Variants in KLC2 observed in about 807,000 individuals in gnomAD.
KLC2 encodes the protein KLC 2.
KLC2 carries 35 observed loss-of-function variants against 75.1 expected under a neutral mutation model. That is an observed-to-expected ratio of 0.47 (90% CI 0.36 to 0.62). The LOEUF (loss-of-function observed/expected upper bound fraction) is 0.62. Ranked by LOEUF, KLC2 falls within the 20% of genes least tolerant of loss-of-function variation. KLC2 has a pLI of 0.00. For missense variants in KLC2, 611 were observed against 833.2 expected, an observed-to-expected ratio of 0.73 and a Z score of 3.28; for synonymous variants, 314 against 336.7, an observed-to-expected ratio of 0.93 and a Z score of 0.74.
chr11:66,265,215 C>G lies in KLC2; in HGVS notation c.1314C>G (p.Tyr438Ter). Residue 438 changes from tyrosine to a stop codon, truncating the protein, a stop_gained, in exon 11 of 16, where the codon TAC becomes TAG. Coordinates refer to ENST00000394067, the MANE Select transcript of KLC2 (RefSeq NM_001318734.2). LOFTEE classifies it high-confidence loss of function. ...CCTATGGGGAATACGGCAGCTGGTACAAGGCCTGTAAAGTAGACAGGTGAG... is the reference window on the plus strand; with the variant it reads ...CCTATGGGGAATACGGCAGCTGGTAGAAGGCCTGTAAAGTAGACAGGTGAG... ...SAPYGEYGSW[Y>*]KACKVDSPTV... 1 of 1,401,842 alleles carries G rather than the reference C, an allele frequency of 7.1e-7. No homozygotes were observed. 86.8% of individuals were successfully genotyped at this position (1,401,842 alleles called of 1,614,324 possible). A position where few individuals can be genotyped will look rare whatever the true frequency, so the allele number is the denominator to read the frequency against.
intron 1 of KLC2, 54 bp from the exon 2 acceptor site, chr11:66,258,530 C>A (rs1012874376): frequency 2.4e-6 from 3 of 1,233,336 alleles, no homozygotes; most frequent in African/African-American, 1.5e-5. Flanking sequence ...CCGGGGCGGA[C>A]GGCGGTGTGG....
At chr11:66,263,117 C>A in intron 5 of KLC2, 81 bp downstream of exon 5, 1 of 1,050,654 alleles carries the variant, frequency 9.5e-7, no homozygotes, top group Non-Finnish European at 1.4e-6. Context: ...TGCTGTGGGC[C>A]AGGACTCGTG....
chr11:66,266,543 C>T lies in KLC2; in HGVS notation c.1785+53C>T, dbSNP rs539916291. On this transcript the variant is annotated intron_variant, in intron 15 of 15. Transcript: ENST00000394067. ...GGGCAGCTGCGGCCGGGGCTGCATG[C>T]GTGCTGCCAAGCTTCCCTCCAGCAT... The T allele has an allele frequency of 3.4e-5, 51 of 1,521,952 alleles. No individual in the cohort carries two copies. In the Admixed American group the frequency reaches 3.5e-4, roughly 10 times the overall value. The allele number at this position is 1,521,952 out of a possible 1,614,324, so 94.3% of individuals were successfully genotyped here.
At chr11:66,246,761 C>A in the KLC2 span, among the ~76,000 whole-genome samples, 1 of 152,224 alleles carries the variant, frequency 6.6e-6, no homozygotes, top group African/African-American at 2.4e-5. Context: ...CCAAAAGTTT[C>A]CTTTCCACAG....
In KLC2 at chr11:66,267,579, G is replaced by C. The variant is rs1856930133; in HGVS notation, c.*623G>C. 1 of 620,156 alleles carries C rather than the reference G, an allele frequency of 1.6e-6. No homozygotes were observed. The highest frequency in any genetic ancestry group is 2.9e-6 in the Non-Finnish European group (1 of 342,070). The allele number at this position is 620,156 out of a possible 1,614,324, so 38.4% of individuals were successfully genotyped here. ...ACCCGCGCCATCGCCCCGTGGCCCAGGACGGGGACCTCCCCTTAGTCCGTC... is the reference window on the plus strand; with the variant it reads ...ACCCGCGCCATCGCCCCGTGGCCCACGACGGGGACCTCCCCTTAGTCCGTC... On this transcript the variant is annotated 3_prime_UTR_variant, in exon 16 of 16. Coordinates refer to ENST00000394067, the MANE Select transcript of KLC2 (RefSeq NM_001318734.2).
intron 9 of KLC2, 62 bp downstream of exon 9, chr11:66,264,506 A>G (rs1856676756): frequency 8.2e-7 from 1 of 1,216,030 alleles, no homozygotes; most frequent in Admixed American, 1.8e-5. Flanking sequence ...TGCCATCAGC[A>G]CCCAGGACAA....
At chr11:66,259,743 T>C (rs1856256098) in intron 2 of KLC2, 1 of 152,234 alleles carries the variant, frequency 6.6e-6, no homozygotes, top group Admixed American at 6.5e-5. Context: ...AAGCCACTGC[T>C]GGAATTCAAA....
At chr11:66,265,320 C>A in intron 11 of KLC2, 85 bp downstream of exon 11, 1 of 1,187,802 alleles carries the variant, frequency 8.4e-7, no homozygotes, top group Non-Finnish European at 1.2e-6. Context: ...CACACCCCTC[C>A]TCTGCTGCTC....
Position 66,267,705 on chromosome 11 carries a change from C to G in KLC2, c.*749C>G, listed in dbSNP as rs564644328. ...CGACCCCGCCCCGGGCACCGCCCAC[C>G]GAGCCATCCTGCCTCGCCTCCCCCC... On this transcript the variant is annotated 3_prime_UTR_variant, in exon 16 of 16. Coordinates refer to ENST00000394067, the MANE Select transcript of KLC2 (RefSeq NM_001318734.2). 1.9e-6 allele frequency: 1 copy of G among 518,750 alleles called. No homozygotes were observed. Among genetic ancestry groups the G allele is most frequent in the Non-Finnish European group, 3.4e-6 (1 of 294,920 alleles). 32.1% of individuals were successfully genotyped at this position (518,750 alleles called of 1,614,324 possible). A position where few individuals can be genotyped will look rare whatever the true frequency, so the allele number is the denominator to read the frequency against.
In KLC2 at chr11:66,266,504, G is replaced by T; in HGVS notation, c.1785+14G>T. Reference sequence around the variant, plus strand: ...GAGCCGACCCAGGTAGGGGCAGGCGGGTGTCTGGGCACTGGGCAGCTGCGG... The same window carrying T: ...GAGCCGACCCAGGTAGGGGCAGGCGTGTGTCTGGGCACTGGGCAGCTGCGG... On this transcript the variant is annotated intron_variant, in intron 15 of 15. Transcript: ENST00000394067. 6.2e-7 allele frequency: 1 copy of T among 1,613,738 alleles called. No individual in the cohort carries two copies. The highest frequency in any genetic ancestry group is 8.5e-7 in the Non-Finnish European group (1 of 1,179,724).
chr11:66,264,023 C>T (rs1289433589), intron 7 of KLC2, 23 bp from the exon 8 acceptor site: 4 of 1,610,164 alleles, frequency 2.5e-6, no homozygotes, highest in South Asian at 2.2e-5. Context: ...GAGCCCAACC[C>T]CTGGCTCCCT....
upstream of KLC2, among the ~76,000 whole-genome samples, chr11:66,256,659 G>A (rs995346610): frequency 6.6e-6 from 1 of 152,162 alleles, no homozygotes; most frequent in Non-Finnish European, 1.5e-5. Context: ...GATAAAGTAA[G>A]AACCTGTCAC....
chr11:66,255,399 G>A (rs1855997053), upstream of KLC2, among the ~76,000 whole-genome samples: 1 of 152,188 alleles, frequency 6.6e-6, no homozygotes, highest in African/African-American at 2.4e-5. Flanking sequence ...ATGTTGCCCA[G>A]GCTAGTCTTG....
In KLC2 at chr11:66,267,233, T is replaced by C. The variant is rs1590878676; in HGVS notation, c.*277T>C. On this transcript the variant is annotated 3_prime_UTR_variant, in exon 16 of 16. Coordinates refer to ENST00000394067, the MANE Select transcript of KLC2 (RefSeq NM_001318734.2). ...GCCGGCTGGAGTCTCCACCATAGACTCAGTGGCCTGGCCTCCCCAGACCCC... is the reference window on the plus strand; with the variant it reads ...GCCGGCTGGAGTCTCCACCATAGACCCAGTGGCCTGGCCTCCCCAGACCCC... 2.0e-6 allele frequency: 3 copies of C among 1,511,068 alleles called. No homozygotes were observed. The East Asian group carries it at 7.4e-5, about 37-fold the overall frequency. 93.6% of individuals were successfully genotyped at this position (1,511,068 alleles called of 1,614,324 possible).
chr11:66,256,364 T>G (rs1032828171), upstream of KLC2, among the ~76,000 whole-genome samples: 2 of 152,050 alleles, frequency 1.3e-5, no homozygotes, highest in African/African-American at 4.8e-5. Flanking sequence ...CCAAGGTGAG[T>G]GGATCACCTG....
chr11:66,266,811 G>A, intron 15 of KLC2, 62 bp from the exon 16 acceptor site: 1 of 1,555,608 alleles, frequency 6.4e-7, no homozygotes, highest in Non-Finnish European at 8.9e-7. Context: ...GACCCCTTCA[G>A]GCCAGGGAGG....
rs200554250 is a variant in KLC2 at position 66,265,175 on chromosome 11, G to A, written c.1274G>A (p.Arg425His). 4.3e-6 allele frequency: 7 copies of A among 1,613,294 alleles called. No homozygotes were observed. The highest frequency in any genetic ancestry group is 2.7e-5 in the African/African-American group (2 of 75,016). ...GACCATTCTTTCCTCCAGGATAAGC[G>A]CCGGGACAGCGCCCCCTATGGGGAA... ...AEEREESKDK[R>H]RDSAPYGEYG... Residue 425 changes from arginine (R) to histidine (H), a missense_variant, in exon 11 of 16, where the codon CGC becomes CAC. Coordinates refer to ENST00000394067, the MANE Select transcript of KLC2 (RefSeq NM_001318734.2).
At chr11:66,250,704 A>T in the KLC2 span, among the ~76,000 whole-genome samples, 10 of 152,360 alleles carry the variant, frequency 6.6e-5, no homozygotes, top group South Asian at 2.1e-3. Context: ...CCTGAGTGGC[A>T]TACTGAAGAC....
chr11:66,266,647 C>T, intron 15 of KLC2, 157 bp downstream of exon 15: 1 of 893,116 alleles, frequency 1.1e-6, no homozygotes, highest in Non-Finnish European at 1.8e-6. Flanking sequence ...CGAGGGGAAC[C>T]CAGCCTCTCC....
Sources: gnomAD v4.1 joint callset for allele counts (sites outside exome capture counted in the v4.1 genomes callset) on GRCh38, gnomAD v4.1.1 for gene constraint, MANE v1.5 for transcripts, NCBI Gene and HGNC (gene_info 2026-07-23, HGNC 2026-07-21) for gene names.